KCNAB1: variants seen among roughly 807,000 people sequenced by gnomAD.
KCNAB1 encodes potassium voltage-gated channel subfamily A regulatory beta subunit 1, also known as voltage-gated potassium channel subunit beta-1.
KCNAB1 carries 35 observed loss-of-function variants against 64.6 expected under a neutral mutation model. The observed-to-expected ratio is 0.54, with a 90% confidence interval of 0.41 to 0.72. The LOEUF is 0.72. Among genes scored for constraint, KCNAB1 ranks in the 30% least tolerant of loss-of-function variants. KCNAB1 has a pLI of 0.00. For missense variants in KCNAB1, 401 were observed against 512.9 expected (o/e 0.78, Z 2.11); for synonymous variants, 177 against 183.8 (o/e 0.96, Z 0.30).
At chr3:156,255,032 T>C (rs935393523) in intron 1 of KCNAB1, among the ~76,000 whole-genome samples, 1 of 152,190 alleles carries the variant, frequency 6.6e-6, no homozygotes, top group Non-Finnish European at 1.5e-5. Flanking sequence ...GAGTTGACTA[T>C]GTGGGTGACA....
intron 8 of KCNAB1, among the ~76,000 whole-genome samples, chr3:156,476,999 C>T (rs1382445287): frequency 6.6e-6 from 1 of 152,118 alleles, no homozygotes; most frequent in African/African-American, 2.4e-5. Context: ...TCCCATCTTA[C>T]CCCTACCTTT....
intron 2 of KCNAB1, among the ~76,000 whole-genome samples, chr3:156,422,222 T>G (rs1394202964): frequency 2.0e-5 from 3 of 152,250 alleles, no homozygotes; most frequent in Non-Finnish European, 2.9e-5. Context: ...ATGGCAATTC[T>G]AACAGCATAA....
chr3:156,478,296 T>C (rs1714528919), intron 8 of KCNAB1, among the ~76,000 whole-genome samples: 1 of 152,160 alleles, frequency 6.6e-6, no homozygotes, highest in South Asian at 2.1e-4. Context: ...GCCAAGTATA[T>C]ATTGTTGAGT....
intron 1 of KCNAB1, among the ~76,000 whole-genome samples, chr3:156,349,858 C>A (rs1021831708): frequency 6.6e-6 from 1 of 152,238 alleles, no homozygotes; most frequent in African/African-American, 2.4e-5. Flanking sequence ...AGCCACTGTG[C>A]TCAGCTGTTT....
chr3:156,127,098 ACACT>A (rs969042317), intron 1 of KCNAB1, among the ~76,000 whole-genome samples: 11 of 151,854 alleles, frequency 7.2e-5, no homozygotes, highest in African/African-American at 2.2e-4. Context: ...TGTAGATTAG[ACACT>A]CAATCAATTT....
intron 7 of KCNAB1, among the ~76,000 whole-genome samples, chr3:156,469,248 C>CTTTTTTTTT (rs34567814): frequency 7.1e-4 from 52 of 72,972 alleles, no homozygotes; most frequent in South Asian, 1.8e-3. Context: ...TTCTTTCTTT[C>CTTTTTTTTT]TTTTTTTTTT....
intron 1 of KCNAB1, among the ~76,000 whole-genome samples, chr3:156,412,179 C>T (rs958302989): frequency 2.1e-4 from 32 of 152,268 alleles, no homozygotes; most frequent in African/African-American, 7.5e-4. Flanking sequence ...GAATACCAAT[C>T]AGTAGTTTAT....
chr3:156,533,923 C>T (rs1225575593), intron 13 of KCNAB1, among the ~76,000 whole-genome samples: 1 of 152,154 alleles, frequency 6.6e-6, no homozygotes. Context: ...GAAGGGGACA[C>T]ATTTCAGAGG....
At chr3:156,518,504 A>C (rs1443446184) in intron 11 of KCNAB1, among the ~76,000 whole-genome samples, 1 of 151,994 alleles carries the variant, frequency 6.6e-6, no homozygotes, top group Admixed American at 6.6e-5. Flanking sequence ...AGGAAGGTTA[A>C]TTAAATTAAA....
intron 1 of KCNAB1, among the ~76,000 whole-genome samples, chr3:156,329,878 A>G (rs542989522): frequency 4.6e-5 from 7 of 152,312 alleles, no homozygotes; most frequent in South Asian, 4.1e-4. Context: ...GTTAAGATTT[A>G]GAAGTAAATG....
At chr3:156,144,760 G>A (rs1016620046) in intron 1 of KCNAB1, among the ~76,000 whole-genome samples, 1 of 152,168 alleles carries the variant, frequency 6.6e-6, no homozygotes, top group African/African-American at 2.4e-5. Context: ...AAAAAAGTCT[G>A]CCTCCATGTC....
rs549506519 is a variant in KCNAB1, at chr3:156,302,923, T to C, written c.276-118693T>C. Among the ~76,000 whole-genome samples, 5 of 152,316 alleles carry C rather than the reference T, an allele frequency of 3.3e-5. No individual in the cohort carries two copies. In the East Asian group the frequency reaches 9.6e-4, roughly 29 times the overall value. ...TGGGAATAGAACTTCTTTCTAGCAC[T>C]TGGGATCATGGGAGATGAAGCAGCG... On this transcript the variant is annotated intron_variant, in intron 1 of 13. Transcript: ENST00000490337.
chr3:156,137,738 T>C (rs564876684), intron 1 of KCNAB1, among the ~76,000 whole-genome samples: 11 of 149,394 alleles, frequency 7.4e-5, no homozygotes, highest in Non-Finnish European at 1.6e-4. Flanking sequence ...GTATTTTTAG[T>C]AGAGACGAGG....
chr3:156,302,955 C>T (rs1245708197), intron 1 of KCNAB1, among the ~76,000 whole-genome samples: 1 of 152,190 alleles, frequency 6.6e-6, no homozygotes, highest in Non-Finnish European at 1.5e-5. Flanking sequence ...AGCGCATTCC[C>T]AGTGCATCTG....
chr3:156,350,091 G>T (rs1258776661), intron 1 of KCNAB1, among the ~76,000 whole-genome samples: 1 of 152,092 alleles, frequency 6.6e-6, no homozygotes, highest in Non-Finnish European at 1.5e-5. Context: ...TGCATGACTT[G>T]TTATTTTTAT....
chr3:156,451,463 C>T (rs375410517), intron 2 of KCNAB1, among the ~76,000 whole-genome samples: 75 of 152,080 alleles, frequency 4.9e-4, no homozygotes, highest in Non-Finnish European at 1.6e-4. Context: ...GAAGCCAGTC[C>T]GTTTGGGGAA....
intron 1 of KCNAB1, among the ~76,000 whole-genome samples, chr3:156,308,155 A>AG (rs1355690382): frequency 3.9e-5 from 6 of 152,216 alleles, no homozygotes; most frequent in Non-Finnish European, 8.8e-5. Flanking sequence ...ATAGATTGGA[A>AG]GAAAGTGAGC....
At chr3:156,170,050 C>A (rs1384212357) in intron 1 of KCNAB1, among the ~76,000 whole-genome samples, 2 of 152,138 alleles carry the variant, frequency 1.3e-5, no homozygotes, top group Non-Finnish European at 2.9e-5. Flanking sequence ...TCTCTGGGCT[C>A]AGAAGGCTTC....
intron 1 of KCNAB1, among the ~76,000 whole-genome samples, chr3:156,221,890 C>A (rs1393047199): frequency 6.6e-6 from 1 of 151,934 alleles, no homozygotes; most frequent in African/African-American, 2.4e-5. Context: ...ATTACCAAGC[C>A]AGCACTGTAA....
Sources: allele counts gnomAD v4.1 joint callset (sites outside exome capture counted in the v4.1 genomes callset), GRCh38; gene constraint gnomAD v4.1.1; transcripts MANE v1.5; gene names NCBI Gene and HGNC (gene_info 2026-07-23, HGNC 2026-07-21).